Variants in KIAA0586 observed in about 807,000 individuals in gnomAD.
KIAA0586 encodes KIAA0586, also known as protein TALPID3.
A neutral mutation model predicts 169.8 loss-of-function variants in KIAA0586; 144 were observed. The observed-to-expected ratio is 0.85, with a 90% confidence interval of 0.74 to 0.97. The LOEUF (loss-of-function observed/expected upper bound fraction) is 0.97, where lower values mean the gene tolerates loss of function less well. KIAA0586 is among the 50% of genes least tolerant of loss of function. The pLI is 0.00. For synonymous variants in KIAA0586, 625 were observed against 612.4 expected, an observed-to-expected ratio of 1.02 and a Z score of -0.30; for missense variants, 1,854 against 1,823.0, an observed-to-expected ratio of 1.02 and a Z score of -0.31.
chr14:58,533,430 A>C (rs1354913485), intron 29 of KIAA0586, among the ~76,000 whole-genome samples: 2 of 152,234 alleles, frequency 1.3e-5, no homozygotes, highest in African/African-American at 2.4e-5. Context: ...AGTCTAAGGA[A>C]AAACAGTTCT....
rs1056293358 is a variant in KIAA0586, at chr14:58,548,140, T to C, written c.*208T>C. ...AGTCATTATAAGTCTGATTGTGAGT[T>C]GTTTCTTAGAATCCTGAGATAGCAT... On this transcript the variant is annotated 3_prime_UTR_variant, in exon 31 of 31. Coordinates refer to ENST00000652326, the MANE Select transcript of KIAA0586 (RefSeq NM_001329943.3). The C allele has an allele frequency of 5.6e-6, 3 of 539,220 alleles. No individual in the cohort carries two copies. The African/African-American group carries it at 5.8e-5, about 10-fold the overall frequency. 33.4% of individuals were successfully genotyped at this position (539,220 alleles called of 1,614,324 possible).
intron 29 of KIAA0586, among the ~76,000 whole-genome samples, chr14:58,522,475 A>G (rs1450274245): frequency 1.3e-5 from 2 of 152,330 alleles, no homozygotes; most frequent in Non-Finnish European, 2.9e-5. Context: ...AAATGCAACA[A>G]CGTAGTTTTG....
intron 29 of KIAA0586, among the ~76,000 whole-genome samples, chr14:58,532,171 C>T (rs942335286): frequency 6.7e-6 from 1 of 150,194 alleles, no homozygotes; most frequent in African/African-American, 2.5e-5. Flanking sequence ...TATCCCAGAA[C>T]TTAATGTGTA....
chr14:58,451,972 T>C (rs1177689323), intron 8 of KIAA0586, among the ~76,000 whole-genome samples: 1 of 152,210 alleles, frequency 6.6e-6, no homozygotes, highest in Admixed American at 6.5e-5. Flanking sequence ...CGTGAGCTAC[T>C]GCGCCCGGCC....
Position 58,437,843 on chromosome 14 carries a change from A to G in KIAA0586, c.411-4863A>G, listed in dbSNP as rs138318988. On this transcript the variant is annotated intron_variant, in intron 4 of 30. Coordinates refer to ENST00000652326, the MANE Select transcript of KIAA0586 (RefSeq NM_001329943.3). The stretch of plus-strand genomic sequence containing the variant: ...ATAGTTGAAGTGATTCAATGAGGTT[A>G]TGATAGTGAAAGAGAGATGGCTAGG... Among the ~76,000 whole-genome samples, 541 of 152,108 alleles carry G rather than the reference A, an allele frequency of 3.6e-3. 1 individual carries two copies. The highest frequency in any genetic ancestry group is 0.01 in the Middle Eastern group (3 of 294).
At chr14:58,543,429 A>T (rs1160903691) in intron 30 of KIAA0586, among the ~76,000 whole-genome samples, 2 of 152,212 alleles carry the variant, frequency 1.3e-5, no homozygotes, top group Non-Finnish European at 2.9e-5. Flanking sequence ...TGCCAGGCAC[A>T]TAGTAGGTGC....
chr14:58,532,334 C>T (rs2046029272), intron 29 of KIAA0586, among the ~76,000 whole-genome samples: 1 of 152,144 alleles, frequency 6.6e-6, no homozygotes, highest in South Asian at 2.1e-4. Flanking sequence ...TTCAGAATTA[C>T]CTTGCATAGG....
At chr14:58,476,897 A>ATT (rs2041677587) in intron 19 of KIAA0586, among the ~76,000 whole-genome samples, 1 of 152,022 alleles carries the variant, frequency 6.6e-6, no homozygotes, top group African/African-American at 2.4e-5. Flanking sequence ...GAGCTCAAGC[A>ATT]ATCTGCCCAA....
chr14:58,560,919 G>A, the KIAA0586 span, among the ~76,000 whole-genome samples: 1 of 152,120 alleles, frequency 6.6e-6, no homozygotes, highest in Admixed American at 6.5e-5. Context: ...ATGAATGTAC[G>A]ACAAGTTTCA....
At chr14:58,487,299 G>C (rs952450936) in intron 22 of KIAA0586, 133 bp downstream of exon 22, 1 of 805,222 alleles carries the variant, frequency 1.2e-6, no homozygotes, top group African/African-American at 1.7e-5. Context: ...AATTGATTGC[G>C]ACTTCTTAAA....
intron 21 of KIAA0586, among the ~76,000 whole-genome samples, chr14:58,486,353 T>C (rs2042438332): frequency 6.6e-6 from 1 of 152,198 alleles, no homozygotes; most frequent in Non-Finnish European, 1.5e-5. Context: ...CAGTCCACCA[T>C]TGATGGGCAC....
At chr14:58,479,307 C>T (rs2041871222) in intron 20 of KIAA0586, among the ~76,000 whole-genome samples, 2 of 152,202 alleles carry the variant, frequency 1.3e-5, no homozygotes, top group Admixed American at 1.3e-4. Flanking sequence ...TGTTTATTTG[C>T]CATCTGTATA....
chr14:58,447,249 A>C (rs1289214664), intron 6 of KIAA0586, among the ~76,000 whole-genome samples: 1 of 152,072 alleles, frequency 6.6e-6, no homozygotes, highest in Non-Finnish European at 1.5e-5. Context: ...TAAAACTATA[A>C]ATTTTTTTAG....
At chr14:58,427,577 C>T, upstream of KIAA0586, 4 of 1,535,402 alleles carry the variant, frequency 2.6e-6, no homozygotes, top group Non-Finnish European at 3.5e-6. Context: ...GAGTTTGTTT[C>T]CACCCGGAGA....
intron 5 of KIAA0586, 125 bp from the exon 6 acceptor site, chr14:58,443,829 T>C (rs1277656381): frequency 1.6e-6 from 1 of 636,090 alleles, no homozygotes; most frequent in South Asian, 2.0e-5. Flanking sequence ...ATTAGACATT[T>C]AGTGGGTAAA....
At position 58,482,571 on chromosome 14, in the gene KIAA0586, C is replaced by A. The variant is rs199537542; in HGVS notation, c.3003C>A (p.Asn1001Lys). 2.5e-4 allele frequency: 400 copies of A among 1,599,838 alleles called. 1 individual carries two copies. The highest frequency in any genetic ancestry group is 3.2e-4 in the Non-Finnish European group (372 of 1,172,294). ...TTGTTGATGCTGGTGTTCCTGTGAACTCAAATGTGATTAAACATTTTGTTA... is the reference window on the plus strand; with the variant it reads ...TTGTTGATGCTGGTGTTCCTGTGAAATCAAATGTGATTAAACATTTTGTTA... Reference protein sequence around the residue: ...QLFVDAGVPVNSNVIKHFVNE... With the variant: ...QLFVDAGVPVKSNVIKHFVNE... The change falls in exon 21 of 31, where the codon AAC becomes AAA. Residue 1001 changes from asparagine (N) to lysine (K), a missense_variant. Transcript: ENST00000652326.
chr14:58,488,830 A>G lies in KIAA0586; in HGVS notation c.3737A>G (p.Glu1246Gly). The G allele has an allele frequency of 6.2e-7, 1 of 1,613,834 alleles. No individual in the cohort carries two copies. The highest frequency in any genetic ancestry group is 1.1e-5 in the South Asian group (1 of 91,068). ...ETETLDKPISEGEILFSCGQK... is the reference protein window; with the variant it reads ...ETETLDKPISGGEILFSCGQK... ...GAAACTTTAGATAAACCCATCTCTGAAGGAGAGATTTTATTTAGCTGTGGT... is the reference window on the plus strand; with the variant it reads ...GAAACTTTAGATAAACCCATCTCTGGAGGAGAGATTTTATTTAGCTGTGGT... The change falls in exon 24 of 31, where the codon GAA (glutamate) becomes GGA (glycine). Residue 1246 changes from glutamate (E) to glycine (G), a missense_variant. Coordinates refer to ENST00000652326, the MANE Select transcript of KIAA0586 (RefSeq NM_001329943.3).
intron 4 of KIAA0586, among the ~76,000 whole-genome samples, chr14:58,435,469 G>A (rs1017036883): frequency 3.3e-5 from 5 of 152,128 alleles, no homozygotes; most frequent in East Asian, 3.9e-4. Context: ...CTTTGTGTTA[G>A]GAACCTTCAA....
intron 27 of KIAA0586, among the ~76,000 whole-genome samples, chr14:58,502,983 A>G (rs2043681400): frequency 6.6e-6 from 1 of 151,920 alleles, no homozygotes; most frequent in African/African-American, 2.4e-5. Context: ...GAAGTGTCCT[A>G]TTTTCTGTAG....
Sources: gnomAD v4.1 joint callset for allele counts (sites outside exome capture counted in the v4.1 genomes callset) on GRCh38, gnomAD v4.1.1 for gene constraint, MANE v1.5 for transcripts, NCBI Gene and HGNC (gene_info 2026-07-23, HGNC 2026-07-21) for gene names.